ZSCAN23: variants seen among roughly 807,000 people sequenced by gnomAD.
ZSCAN23 encodes zinc finger and SCAN domain containing 23, also known as zinc finger and SCAN domain-containing protein 23.
ZSCAN23 carries 19 observed loss-of-function variants against 19.3 expected under a neutral mutation model. The observed-to-expected ratio is 0.99, with a 90% CI of 0.69 to 1.45. The LOEUF (loss-of-function observed/expected upper bound fraction) is 1.45. Ranked by LOEUF, ZSCAN23 falls within the 40% of genes most tolerant of loss-of-function variation. ZSCAN23 has a pLI of 0.00. For missense variants in ZSCAN23, 372 were observed against 462.5 expected (o/e 0.80, Z 1.79); for synonymous variants, 140 against 166.2 (o/e 0.84, Z 1.21).
chr6:28,436,409 G>T, intron 1 of ZSCAN23, 66 bp from the exon 2 acceptor site: 1 of 801,396 alleles, frequency 1.2e-6, no homozygotes, highest in Non-Finnish European at 1.9e-6. Context: ...GGAGGGACTG[G>T]AGTATTTACA....
At chr6:28,425,147 G>A in the ZSCAN23 span, among the ~76,000 whole-genome samples, 3 of 152,048 alleles carry the variant, frequency 2.0e-5, no homozygotes. Flanking sequence ...TCAGTGACTC[G>A]GTGCATTGTC....
downstream of ZSCAN23, among the ~76,000 whole-genome samples, chr6:28,428,414 TA>T (rs781556158): frequency 1.1e-4 from 17 of 152,368 alleles, no homozygotes; most frequent in East Asian, 7.7e-4. Context: ...TATCCCTGGC[TA>T]CATTTATTTT....
chr6:28,430,451 C>T (rs937755746), downstream of ZSCAN23, among the ~76,000 whole-genome samples: 3 of 152,190 alleles, frequency 2.0e-5, no homozygotes, highest in African/African-American at 7.2e-5. Flanking sequence ...CTTCACTCTG[C>T]CCCCAAGGGT....
At chr6:28,437,919 A>G (rs1360184240) in intron 1 of ZSCAN23, among the ~76,000 whole-genome samples, 2 of 152,074 alleles carry the variant, frequency 1.3e-5, no homozygotes, top group African/African-American at 4.8e-5. Context: ...AAAACAAAAA[A>G]GCCTGGGAAC....
At chr6:28,437,012 G>A (rs967284671) in intron 1 of ZSCAN23, among the ~76,000 whole-genome samples, 1 of 152,156 alleles carries the variant, frequency 6.6e-6, no homozygotes, top group African/African-American at 2.4e-5. Flanking sequence ...TTTCTAGGTT[G>A]ATACAAAGAT....
Position 28,434,486 on chromosome 6 carries a change from G to A in ZSCAN23, c.1149C>T (p.His383=), listed in dbSNP as rs1761827524. 1.3e-6 allele frequency: 2 copies of A among 1,546,990 alleles called. No individual in the cohort carries two copies. Among genetic ancestry groups the A allele is most frequent in the Middle Eastern group, 1.7e-4 (1 of 5,980 alleles). The change falls in exon 4 of 4, where the codon CAC becomes CAT. Residue 383 remains histidine (H), a synonymous_variant. Coordinates refer to ENST00000289788, the MANE Select transcript of ZSCAN23 (RefSeq NM_001012455.2). ...GGAGCTAGCTTGATTCAGCCACTGG[G>A]TGGACTTTCCGATGCTGGATTAGGT... ...HCNLIQHRKV[H]PVAESS is the part of the protein sequence containing the mutation.
chr6:28,434,521 A>G lies in ZSCAN23; in HGVS notation c.1114T>C (p.Tyr372His). The G allele has an allele frequency of 1.9e-6, 3 of 1,552,262 alleles. No individual in the cohort carries two copies. The highest frequency in any genetic ancestry group is 2.4e-5 in the South Asian group (2 of 84,038). Residue 372 changes from tyrosine to histidine, a missense_variant, in exon 4 of 4, where the codon TAC (tyrosine) becomes CAC (histidine). Transcript: ENST00000289788. ...CGATGCTGGATTAGGTTGCAATGGT[A>G]AATGAAGTTCTTGCCACATTCTTCA... ...ECEECGKNFIYHCNLIQHRKV... is the reference protein window; with the variant it reads ...ECEECGKNFIHHCNLIQHRKV...
At chr6:28,440,752 TG>T (rs1406885855) in intron 1 of ZSCAN23, among the ~76,000 whole-genome samples, 2 of 152,212 alleles carry the variant, frequency 1.3e-5, no homozygotes, top group African/African-American at 4.8e-5. Context: ...AATTCATTTC[TG>T]GGATGTGGTG....
In ZSCAN23 at chr6:28,443,453, C is replaced by T. The variant is rs139781699; in HGVS notation, c.-132G>A. 244 of 152,378 alleles carry T rather than the reference C, an allele frequency of 1.6e-3. 1 individual carries two copies. The highest frequency in any genetic ancestry group is 5.8e-3 in the African/African-American group (240 of 41,586). 9.4% of individuals were successfully genotyped at this position (152,378 alleles called of 1,614,324 possible). On this transcript the variant is annotated 5_prime_UTR_variant, in exon 1 of 4. Coordinates refer to ENST00000289788, the MANE Select transcript of ZSCAN23 (RefSeq NM_001012455.2). ...AGCGCAGATCACATCTGCTCTGAAT[C>T]CTTGACAACCGCAGCCCAAAGAATG...
chr6:28,430,974 C>T (rs553646523), downstream of ZSCAN23, among the ~76,000 whole-genome samples: 2 of 152,272 alleles, frequency 1.3e-5, no homozygotes, highest in Non-Finnish European at 2.9e-5. Context: ...CTCCATCGGT[C>T]CCTATACCAC....
downstream of ZSCAN23, among the ~76,000 whole-genome samples, chr6:28,430,389 C>A (rs1198348308): frequency 6.6e-6 from 1 of 152,130 alleles, no homozygotes; most frequent in Non-Finnish European, 1.5e-5. Context: ...AACCAACCAA[C>A]CAACCAACCC....
At chr6:28,441,462 T>A (rs1312323159) in intron 1 of ZSCAN23, among the ~76,000 whole-genome samples, 3 of 152,198 alleles carry the variant, frequency 2.0e-5, no homozygotes, top group Non-Finnish European at 2.9e-5. Flanking sequence ...TCTTCCCTTA[T>A]TCGAACCTTA....
rs774831028 is a variant in ZSCAN23, at chr6:28,435,655, G to C, written c.409-48C>G. 63 of 1,519,776 alleles carry C rather than the reference G, an allele frequency of 4.1e-5. No homozygotes were observed. The African/African-American group carries it at 7.7e-4, about 19-fold the overall frequency. The allele number at this position is 1,519,776 out of a possible 1,614,324, so 94.1% of individuals were successfully genotyped here. A position where few individuals can be genotyped will look rare whatever the true frequency, so the allele number is the denominator to read the frequency against. On this transcript the variant is annotated intron_variant, in intron 2 of 3. Transcript: ENST00000289788. The stretch of plus-strand genomic sequence containing the variant: ...GGGAACCCAATATCAGAGAGAACAT[G>C]GCAAGGAGGCCTCCTCAGGGCCGCT...
At chr6:28,442,301 C>A (rs116621897) in intron 1 of ZSCAN23, among the ~76,000 whole-genome samples, 45 of 152,270 alleles carry the variant, frequency 3.0e-4, no homozygotes, top group African/African-American at 1.0e-3. Flanking sequence ...TGAGATAATG[C>A]ATACAAAGTG....
At chr6:28,423,096 G>T in the ZSCAN23 span, among the ~76,000 whole-genome samples, 1 of 152,180 alleles carries the variant, frequency 6.6e-6, no homozygotes, top group Non-Finnish European at 1.5e-5. Context: ...TTTAATGAGG[G>T]TGACATTTGC....
the ZSCAN23 span, among the ~76,000 whole-genome samples, chr6:28,423,586 T>G: frequency 6.6e-6 from 1 of 152,184 alleles, no homozygotes; most frequent in Admixed American, 6.5e-5. Flanking sequence ...GCTGGACCCT[T>G]GAGGCCCAAG....
At chr6:28,421,525 A>C in the ZSCAN23 span, among the ~76,000 whole-genome samples, 1 of 152,160 alleles carries the variant, frequency 6.6e-6, no homozygotes, top group African/African-American at 2.4e-5. Flanking sequence ...CTAACACCAC[A>C]GAAAAAGAGA....
chr6:28,435,593 A>C lies in ZSCAN23; in HGVS notation c.423T>G (p.Ala141=). The C allele has an allele frequency of 6.4e-7, 1 of 1,551,516 alleles. No homozygotes were observed. Among genetic ancestry groups the C allele is most frequent in the Non-Finnish European group, 8.7e-7 (1 of 1,146,934 alleles). Residue 141 remains alanine (A), a synonymous_variant, in exon 3 of 4, where the codon GCT becomes GCG. Transcript: ENST00000289788. ...DDPGEQVLSH[A]HEQEEFVKEK... ...CCTTTACAAACTCTTCCTGTTCATG[A>C]GCATGGCTCAGGACCTGGTGGAAAT... is the stretch of plus-strand genomic sequence containing the variant.
At position 28,433,339 on chromosome 6, in the gene ZSCAN23, C is replaced by T. The variant is rs1303153318; in HGVS notation, c.*1126G>A. 1 of 152,046 alleles carries T rather than the reference C, an allele frequency of 6.6e-6. No individual in the cohort carries two copies. The highest frequency in any genetic ancestry group is 2.4e-5 in the African/African-American group (1 of 41,396). The allele number at this position is 152,046 out of a possible 1,614,324, so 9.4% of individuals were successfully genotyped here. A position where few individuals can be genotyped will look rare whatever the true frequency, so the allele number is the denominator to read the frequency against. The stretch of plus-strand genomic sequence containing the variant: ...ACTGGCTGTATGATCTTAGTTACTT[C>T]CCAGAACTTCCTTTTCTCTTATCTG... On this transcript the variant is annotated 3_prime_UTR_variant, in exon 4 of 4. Coordinates refer to ENST00000289788, the MANE Select transcript of ZSCAN23 (RefSeq NM_001012455.2).
Sources: gnomAD v4.1 joint callset for allele counts (sites outside exome capture counted in the v4.1 genomes callset) on GRCh38, gnomAD v4.1.1 for gene constraint, MANE v1.5 for transcripts, NCBI Gene and HGNC (gene_info 2026-07-23, HGNC 2026-07-21) for gene names.